GNAQ: variants seen among roughly 807,000 people sequenced by gnomAD.
The protein encoded by GNAQ is guanine nucleotide-binding protein G(q) subunit alpha.
A neutral mutation model predicts 43.9 loss-of-function variants in GNAQ; 8 were observed. That is an observed-to-expected ratio of 0.18 (90% CI 0.11 to 0.33). The LOEUF (loss-of-function observed/expected upper bound fraction) is 0.33. Ranked by LOEUF, GNAQ falls within the 10% of genes least tolerant of loss-of-function variation. GNAQ has a pLI of 1.00. For synonymous variants in GNAQ, 155 were observed against 170.7 expected (o/e 0.91, Z 0.71); for missense variants, 158 against 450.8 (o/e 0.35, Z 5.88).
At chr9:77,926,061 C>A (rs1829068643) in intron 1 of GNAQ, among the ~76,000 whole-genome samples, 1 of 151,952 alleles carries the variant, frequency 6.6e-6, no homozygotes, top group Non-Finnish European at 1.5e-5. Context: ...TTGGTTGAAT[C>A]CATGGATATG....
At position 77,728,536 on chromosome 9, in the gene GNAQ, G is replaced by A. The variant is rs768801925; in HGVS notation, c.867C>T (p.Val289=). The change falls in exon 6 of 7, where the codon GTC becomes GTT. Residue 289 remains valine (V), a synonymous_variant. Transcript: ENST00000286548. The stretch of plus-strand genomic sequence containing the variant: ...TACCATCATATTCTGGGAAGTAGTC[G>A]ACTAGATGGGAATACATGATTTTCT... The part of the protein sequence containing the change: ...LEEKIMYSHL[V]DYFPEYDGPQ... 53 of 1,603,248 alleles carry A rather than the reference G, an allele frequency of 3.3e-5. No individual in the cohort carries two copies. The highest frequency in any genetic ancestry group is 4.4e-5 in the Non-Finnish European group (51 of 1,171,494).
chr9:77,899,253 C>T (rs1452654343), intron 2 of GNAQ, among the ~76,000 whole-genome samples: 1 of 152,028 alleles, frequency 6.6e-6, no homozygotes, highest in Non-Finnish European at 1.5e-5. Context: ...TGCACCACCA[C>T]ACCCAGCCAA....
At chr9:77,862,791 A>T (rs567747998) in intron 2 of GNAQ, among the ~76,000 whole-genome samples, 2 of 152,314 alleles carry the variant, frequency 1.3e-5, no homozygotes, top group South Asian at 4.1e-4. Context: ...ACATTGTCAG[A>T]CTATAAATTT....
intron 1 of GNAQ, among the ~76,000 whole-genome samples, chr9:77,943,434 C>T (rs895604676): frequency 1.3e-5 from 2 of 152,106 alleles, no homozygotes; most frequent in South Asian, 2.1e-4. Flanking sequence ...CCCTTTTCTG[C>T]GATTAAAATG....
intron 5 of GNAQ, among the ~76,000 whole-genome samples, chr9:77,789,428 A>T (rs1358466611): frequency 2.6e-5 from 4 of 152,170 alleles, no homozygotes; most frequent in African/African-American, 9.7e-5. Context: ...CCCAAAGGAA[A>T]AATGGACAAA....
chr9:77,802,283 G>A (rs1002935531), intron 3 of GNAQ, among the ~76,000 whole-genome samples: 1 of 152,122 alleles, frequency 6.6e-6, no homozygotes, highest in Non-Finnish European at 1.5e-5. Context: ...CTCACTCTGG[G>A]CTCACAGGAC....
chr9:77,904,818 T>C (rs1044805683), intron 2 of GNAQ, among the ~76,000 whole-genome samples: 2 of 152,112 alleles, frequency 1.3e-5, no homozygotes, highest in Non-Finnish European at 2.9e-5. Context: ...TTTGTATAAA[T>C]TGGTCAGAAC....
intron 1 of GNAQ, among the ~76,000 whole-genome samples, chr9:77,989,087 T>A (rs931763475): frequency 6.6e-6 from 1 of 152,182 alleles, no homozygotes; most frequent in Non-Finnish European, 1.5e-5. Flanking sequence ...TTTTTTTTAG[T>A]AAAATTATCT....
intron 1 of GNAQ, among the ~76,000 whole-genome samples, chr9:77,966,825 A>C (rs544149101): frequency 1.3e-5 from 2 of 152,294 alleles, no homozygotes; most frequent in South Asian, 4.1e-4. Context: ...TCTTCAACAA[A>C]CTATGCTCTT....
chr9:77,891,285 G>C (rs935734150), intron 2 of GNAQ, among the ~76,000 whole-genome samples: 4 of 151,788 alleles, frequency 2.6e-5, no homozygotes, highest in African/African-American at 9.7e-5. Flanking sequence ...TCCATCTCTT[G>C]CTCTCTTTCG....
chr9:77,721,574 C>T, intron 6 of GNAQ, 61 bp from the exon 7 acceptor site: 1 of 962,812 alleles, frequency 1.0e-6, no homozygotes, highest in Non-Finnish European at 1.6e-6. Flanking sequence ...ATTCAATCAT[C>T]ATTGGTTCAA....
At chr9:77,983,535 A>G (rs1341169274) in intron 1 of GNAQ, among the ~76,000 whole-genome samples, 4 of 152,132 alleles carry the variant, frequency 2.6e-5, no homozygotes, top group Admixed American at 6.6e-5. Context: ...CTTATTCCTC[A>G]TAGTTGGTGT....
At chr9:77,760,843 G>A (rs998880609) in intron 5 of GNAQ, among the ~76,000 whole-genome samples, 3 of 149,622 alleles carry the variant, frequency 2.0e-5, no homozygotes, top group African/African-American at 4.9e-5. Flanking sequence ...GATGTGGGGA[G>A]TGCCTTTGCG....
At chr9:77,821,724 G>GGGGGGGTGTGTGT (rs201504418) in intron 2 of GNAQ, among the ~76,000 whole-genome samples, 1 of 142,308 alleles carries the variant, frequency 7.0e-6, no homozygotes, top group African/African-American at 2.7e-5. Flanking sequence ...TCCTAGTATG[G>GGGGGGGTGTGTGT]GTGTGTGTGT....
At chr9:78,021,569 C>A (rs1564180806) in intron 1 of GNAQ, among the ~76,000 whole-genome samples, 1 of 152,174 alleles carries the variant, frequency 6.6e-6, no homozygotes, top group Non-Finnish European at 1.5e-5. Context: ...AATTCTAAAT[C>A]TTTCCTGGAA....
chr9:78,010,480 T>A (rs1466933481), intron 1 of GNAQ, among the ~76,000 whole-genome samples: 1 of 152,126 alleles, frequency 6.6e-6, no homozygotes, highest in Non-Finnish European at 1.5e-5. Context: ...ATTGGGGATG[T>A]CACAGACGCC....
At chr9:77,802,794 G>A (rs1368514688) in intron 3 of GNAQ, among the ~76,000 whole-genome samples, 5 of 152,292 alleles carry the variant, frequency 3.3e-5, no homozygotes, top group Non-Finnish European at 5.9e-5. Flanking sequence ...GGCTTGTTAA[G>A]TGTCTAGGAG....
chr9:77,841,362 C>T (rs1399525335), intron 2 of GNAQ, among the ~76,000 whole-genome samples: 1 of 152,112 alleles, frequency 6.6e-6, no homozygotes, highest in Admixed American at 6.5e-5. Flanking sequence ...TTGACATTTC[C>T]TGCAAGGGCA....
intron 5 of GNAQ, among the ~76,000 whole-genome samples, chr9:77,769,322 A>C (rs1489841038): frequency 6.6e-6 from 1 of 151,866 alleles, no homozygotes; most frequent in African/African-American, 2.4e-5. Flanking sequence ...GGATCACTTG[A>C]ACCTGGGAAA....
Sources: allele counts gnomAD v4.1 joint callset (sites outside exome capture counted in the v4.1 genomes callset), GRCh38; gene constraint gnomAD v4.1.1; transcripts MANE v1.5; gene names NCBI Gene and HGNC (gene_info 2026-07-23, HGNC 2026-07-21).